Variants in PRKAG2 observed in about 807,000 individuals in gnomAD.
PRKAG2 encodes 5'-AMP-activated protein kinase subunit gamma-2.
Under a neutral mutation model 69.6 loss-of-function variants are expected in PRKAG2, and 26 were observed. The ratio of observed to expected loss-of-function variants is 0.37; its 90% confidence interval spans 0.27 to 0.52. The LOEUF is 0.52. Ranked by LOEUF, PRKAG2 falls within the 20% of genes least tolerant of loss-of-function variation. PRKAG2 has a pLI of 0.90. For missense variants in PRKAG2, 557 were observed against 740.0 expected (o/e 0.75, Z 2.87); for synonymous variants, 293 against 285.0 (o/e 1.03, Z -0.28).
In PRKAG2 at chr7:151,557,378, C is replaced by T. The variant is rs542879958; in HGVS notation, c.1679-146G>A. 6.5e-4 allele frequency: 1,031 copies of T among 1,585,592 alleles called. 5 individuals are homozygous for T. In the Middle Eastern group the frequency reaches 0.015, roughly 24 times the overall value. On this transcript the variant is annotated intron_variant, in intron 15 of 15. Coordinates refer to ENST00000287878, the MANE Select transcript of PRKAG2 (RefSeq NM_016203.4). ...GGGCGATGTGGGAAGGAGCAGGTGG[C>T]CCAAGCTCCCATCTCCCACCCAATC...
intron 1 of PRKAG2, among the ~76,000 whole-genome samples, chr7:151,857,398 C>T (rs1247599194): frequency 2.2e-5 from 1 of 46,446 alleles, no homozygotes; most frequent in Admixed American, 3.2e-4. Flanking sequence ...ACTGGAAGTA[C>T]CAAAAAAAAA....
intron 3 of PRKAG2, among the ~76,000 whole-genome samples, chr7:151,706,318 C>T (rs1041317195): frequency 8.5e-5 from 13 of 152,206 alleles, no homozygotes; most frequent in Non-Finnish European, 1.3e-4. Flanking sequence ...TGACTAGTTG[C>T]AATCAAGGCT....
intron 4 of PRKAG2, among the ~76,000 whole-genome samples, chr7:151,650,301 C>A (rs1302185671): frequency 4.1e-4 from 58 of 142,168 alleles, no homozygotes; most frequent in African/African-American, 3.6e-4. Context: ...AACCCAGTCT[C>A]AAAAAAAAAA....
At chr7:151,620,027 AAAAAATAAAAAT>A (rs556918279) in intron 5 of PRKAG2, among the ~76,000 whole-genome samples, 4 of 152,270 alleles carry the variant, frequency 2.6e-5, no homozygotes, top group African/African-American at 9.6e-5. Context: ...TCTCAAAAAT[AAAAAATAAAAAT>A]AAAAATAAAA....
chr7:151,571,119 T>C (rs1807460454), intron 9 of PRKAG2, among the ~76,000 whole-genome samples: 1 of 149,346 alleles, frequency 6.7e-6, no homozygotes, highest in Non-Finnish European at 1.5e-5. Flanking sequence ...TTGCCCAGGC[T>C]GGAGTACAGC....
At chr7:151,747,302 A>G (rs570398389) in intron 3 of PRKAG2, among the ~76,000 whole-genome samples, 17 of 152,238 alleles carry the variant, frequency 1.1e-4, no homozygotes, top group Non-Finnish European at 1.0e-4. Context: ...CTCGCCAGTA[A>G]TCTCAGCACT....
intron 4 of PRKAG2, among the ~76,000 whole-genome samples, chr7:151,651,697 A>T (rs1250784218): frequency 6.6e-6 from 1 of 152,216 alleles, no homozygotes; most frequent in East Asian, 1.9e-4. Context: ...GTTCAATGAT[A>T]TGGTGTCAGA....
At position 151,632,116 on chromosome 7, in the gene PRKAG2, CCCAGGGCCGCCG is replaced by C; in HGVS notation, c.695_706del (p.Ala232_Leu235del). On this transcript the variant is annotated inframe_deletion, in exon 5 of 16. Transcript: ENST00000287878. The surrounding 1 kb of genome is among the most constrained non-coding windows in gnomAD (Gnocchi z 4.2). The stretch of plus-strand genomic sequence containing the variant: ...CTCCAGCATGCCGGCTTCCGCGGGT[CCCAGGGCCGCCG>C]CCAGCGCCGCCTGAGGGGGAGGAGG... 1 of 1,409,836 alleles carries C rather than the reference CCCAGGGCCGCCG, an allele frequency of 7.1e-7. No individual in the cohort carries two copies. The allele number at this position is 1,409,836 out of a possible 1,614,324, so 87.3% of individuals were successfully genotyped here.
intron 3 of PRKAG2, among the ~76,000 whole-genome samples, chr7:151,711,006 C>T (rs1795210151): frequency 6.6e-6 from 1 of 152,100 alleles, no homozygotes; most frequent in African/African-American, 2.4e-5. Context: ...GAATACAGTA[C>T]TAACATGCTA....
chr7:151,844,762 C>T (rs2079390369), intron 1 of PRKAG2, among the ~76,000 whole-genome samples: 1 of 152,212 alleles, frequency 6.6e-6, no homozygotes, highest in Non-Finnish European at 1.5e-5. Context: ...CAGTTCTGTT[C>T]ACTCTTAAAG....
intron 4 of PRKAG2, among the ~76,000 whole-genome samples, chr7:151,670,804 T>C (rs1352899312): frequency 1.3e-5 from 2 of 152,218 alleles, no homozygotes; most frequent in African/African-American, 2.4e-5. Context: ...ATATTTGTCA[T>C]CCTATTACCC....
intron 4 of PRKAG2, among the ~76,000 whole-genome samples, chr7:151,657,009 C>T (rs773898719): frequency 1.3e-5 from 2 of 151,788 alleles, no homozygotes; most frequent in Non-Finnish European, 1.5e-5. Context: ...TGGTGGCAGG[C>T]GCCTGGAATC....
intron 1 of PRKAG2, among the ~76,000 whole-genome samples, chr7:151,808,605 G>T (rs1279341459): frequency 1.3e-5 from 2 of 152,116 alleles, no homozygotes; most frequent in East Asian, 3.9e-4. Context: ...GGGGGCTTGA[G>T]GCTATCCGCT....
chr7:151,667,249 G>A (rs1396387451), intron 4 of PRKAG2, among the ~76,000 whole-genome samples: 3 of 152,164 alleles, frequency 2.0e-5, no homozygotes, highest in Non-Finnish European at 4.4e-5. Flanking sequence ...TCTCCCACAG[G>A]TGTCAATCCT....
At chr7:151,762,049 T>G (rs1278896841) in intron 3 of PRKAG2, among the ~76,000 whole-genome samples, 2 of 152,250 alleles carry the variant, frequency 1.3e-5, no homozygotes, top group African/African-American at 4.8e-5. Flanking sequence ...GGCCATGCCC[T>G]GAGTTAAACC....
intron 1 of PRKAG2, among the ~76,000 whole-genome samples, chr7:151,858,307 G>A (rs1034438493): frequency 2.0e-5 from 3 of 152,050 alleles, no homozygotes; most frequent in Admixed American, 1.3e-4. Flanking sequence ...GGCCACAGCT[G>A]TCCCCAGCTG....
rs556534457 is a variant in PRKAG2 at position 151,617,393 on chromosome 7, G to A, written c.754+14676C>T. 1.5e-3 allele frequency among the ~76,000 whole-genome samples: 230 copies of A among 152,126 alleles called. 1 individual carries two copies. Among genetic ancestry groups the A allele is most frequent in the African/African-American group, 5.1e-3 (213 of 41,480 alleles). ...CTGCAAATAATCCGAGTGTGGGGAA[G>A]TGGGTGAGGGTGTTGATGAAACAAG... On this transcript the variant is annotated intron_variant, in intron 5 of 15. Coordinates refer to ENST00000287878, the MANE Select transcript of PRKAG2 (RefSeq NM_016203.4).
chr7:151,875,057 C>T (rs970324220), intron 1 of PRKAG2, among the ~76,000 whole-genome samples: 1 of 152,234 alleles, frequency 6.6e-6, no homozygotes, highest in Non-Finnish European at 1.5e-5. Flanking sequence ...GCAGCAACAT[C>T]TAACTTTTAA....
At chr7:151,815,810 C>A (rs2078623396) in intron 1 of PRKAG2, among the ~76,000 whole-genome samples, 1 of 152,138 alleles carries the variant, frequency 6.6e-6, no homozygotes, top group Non-Finnish European at 1.5e-5. Context: ...ATTTCAGAAC[C>A]CCGCCGTGTC....
Sources: gnomAD v4.1 joint callset for allele counts (sites outside exome capture counted in the v4.1 genomes callset) on GRCh38, gnomAD v4.1.1 for gene constraint, Gnocchi (gnomAD v3.1) non-coding constraint, MANE v1.5 for transcripts, NCBI Gene and HGNC (gene_info 2026-07-23, HGNC 2026-07-21) for gene names.